ESRRG: variants seen among roughly 807,000 people sequenced by gnomAD.
ESRRG encodes estrogen-related receptor gamma.
ESRRG carries 13 observed loss-of-function variants against 44.0 expected under a neutral mutation model. That is an observed-to-expected ratio of 0.30 (90% CI 0.19 to 0.47). ESRRG has a LOEUF of 0.47. Among genes scored for constraint, ESRRG ranks in the 20% least tolerant of loss-of-function variants. The probability of loss-of-function intolerance (pLI) is 1.00; values close to 1 mark genes in which losing one functional copy is unlikely to be tolerated. For missense variants in ESRRG, 395 were observed against 580.6 expected (o/e 0.68, Z 3.29); for synonymous variants, 215 against 214.6 (o/e 1.00, Z -0.02).
chr1:217,025,907 A>G (rs1044806739), intron 1 of ESRRG, among the ~76,000 whole-genome samples: 2 of 152,094 alleles, frequency 1.3e-5, no homozygotes, highest in African/African-American at 4.8e-5. Flanking sequence ...TGGTTTTTCT[A>G]TTGTCTCTTT....
chr1:217,136,683 C>G (rs555770139), intron 1 of ESRRG, among the ~76,000 whole-genome samples: 2 of 152,292 alleles, frequency 1.3e-5, no homozygotes, highest in African/African-American at 4.8e-5. Context: ...CCGCCCTTCC[C>G]CTTTCCTTTT....
At chr1:216,960,444 C>T (rs544275287) in intron 1 of ESRRG, among the ~76,000 whole-genome samples, 24 of 152,256 alleles carry the variant, frequency 1.6e-4, no homozygotes, top group African/African-American at 5.8e-4. Flanking sequence ...AATTTGATTA[C>T]ATGAATGTGT....
Position 216,866,545 on chromosome 1 carries a change from CTTTCTTTG to C in ESRRG, c.-14+73029_-14+73036del, listed in dbSNP as rs529370916. 2.5e-3 allele frequency among the ~76,000 whole-genome samples: 368 copies of C among 149,800 alleles called. 5 individuals carry two copies. The highest frequency in any genetic ancestry group is 0.022 in the Admixed American group (323 of 14,972). On this transcript the variant is annotated intron_variant, in intron 2 of 7. Transcript: ENST00000359162. ...TATCTATATCTCATGATATCTTTAT[CTTTCTTTG>C]TTTCTTTCTTTCTTTTTTTTTTTAT...
intron 2 of ESRRG, among the ~76,000 whole-genome samples, chr1:216,818,026 T>C (rs557505096): frequency 1.3e-5 from 2 of 152,302 alleles, no homozygotes; most frequent in South Asian, 2.1e-4. Context: ...GAAAAAACTA[T>C]ATACAGTTAT....
intron 2 of ESRRG, among the ~76,000 whole-genome samples, chr1:216,757,048 T>C (rs2092487229): frequency 6.6e-6 from 1 of 151,976 alleles, no homozygotes; most frequent in African/African-American, 2.4e-5. Context: ...TTTCCACAGC[T>C]CCCAGAACTC....
chr1:216,969,578 C>T (rs1040212487), intron 1 of ESRRG, among the ~76,000 whole-genome samples: 5 of 152,054 alleles, frequency 3.3e-5, no homozygotes, highest in African/African-American at 1.2e-4. Context: ...ATTGGCCCTT[C>T]TATAGAAATT....
upstream of ESRRG, among the ~76,000 whole-genome samples, chr1:216,725,161 C>A (rs931461904): frequency 6.6e-6 from 1 of 152,108 alleles, no homozygotes; most frequent in Non-Finnish European, 1.5e-5. Flanking sequence ...AAAGCAATTT[C>A]ACTGCCTTGT....
chr1:216,690,795 G>T (rs1235978591), intron 1 of ESRRG, among the ~76,000 whole-genome samples: 2 of 152,024 alleles, frequency 1.3e-5, no homozygotes, highest in African/African-American at 4.8e-5. Flanking sequence ...AACTTTAAAG[G>T]ACTCCCAGAA....
chr1:216,920,033 G>A (rs930133369), intron 2 of ESRRG, among the ~76,000 whole-genome samples: 12 of 152,156 alleles, frequency 7.9e-5, no homozygotes, highest in Non-Finnish European at 1.8e-4. Context: ...AAATGCACTG[G>A]GGAAGAACTT....
At chr1:216,838,510 AT>A (rs557282371) in intron 2 of ESRRG, among the ~76,000 whole-genome samples, 2 of 151,766 alleles carry the variant, frequency 1.3e-5, no homozygotes, top group East Asian at 1.9e-4. Context: ...GAATACAGTG[AT>A]TTTTTTTTGA....
chr1:216,934,611 C>T (rs1249387307), intron 2 of ESRRG, among the ~76,000 whole-genome samples: 1 of 152,044 alleles, frequency 6.6e-6, no homozygotes, highest in Non-Finnish European at 1.5e-5. Context: ...TCTTGTGAGA[C>T]TTACAAAGCC....
intron 2 of ESRRG, among the ~76,000 whole-genome samples, chr1:216,760,689 G>C (rs2092720587): frequency 6.6e-6 from 1 of 152,072 alleles, no homozygotes; most frequent in Non-Finnish European, 1.5e-5. Flanking sequence ...GAAAGGATAA[G>C]GGGAGGCTTA....
intron 1 of ESRRG, among the ~76,000 whole-genome samples, chr1:216,980,101 G>T (rs974655412): frequency 1.3e-5 from 2 of 152,034 alleles, no homozygotes; most frequent in Non-Finnish European, 2.9e-5. Context: ...TTTATTTCAT[G>T]ATGTCCATTT....
At chr1:216,867,025 A>G (rs11572551) in intron 2 of ESRRG, among the ~76,000 whole-genome samples, 3,698 of 152,350 alleles carry the variant, frequency 0.024, 67 homozygotes, top group Middle Eastern at 0.058. Context: ...GGTTTTAAAA[A>G]ATAAAATGAT....
chr1:216,643,009 C>T (rs946003290), intron 3 of ESRRG, among the ~76,000 whole-genome samples: 2 of 152,138 alleles, frequency 1.3e-5, no homozygotes, highest in Non-Finnish European at 2.9e-5. Flanking sequence ...AAATATGAAA[C>T]AGAAGGGTAA....
intron 3 of ESRRG, among the ~76,000 whole-genome samples, chr1:216,649,175 C>A (rs2068339243): frequency 6.6e-6 from 1 of 152,070 alleles, no homozygotes; most frequent in Admixed American, 6.6e-5. Flanking sequence ...CATAAGTTTT[C>A]TTTAGCAAGA....
At chr1:216,909,940 A>G (rs1201188341) in intron 2 of ESRRG, among the ~76,000 whole-genome samples, 2 of 152,186 alleles carry the variant, frequency 1.3e-5, no homozygotes, top group African/African-American at 4.8e-5. Flanking sequence ...AATGTGATTC[A>G]GAACAAAGAA....
At chr1:216,888,428 G>A (rs1249604104) in intron 2 of ESRRG, among the ~76,000 whole-genome samples, 1 of 152,064 alleles carries the variant, frequency 6.6e-6, no homozygotes, top group Non-Finnish European at 1.5e-5. Context: ...CTATTTGCTT[G>A]TTTGTCTTAT....
At chr1:216,796,178 G>A (rs1477071793) in intron 2 of ESRRG, among the ~76,000 whole-genome samples, 1 of 152,182 alleles carries the variant, frequency 6.6e-6, no homozygotes, top group Non-Finnish European at 1.5e-5. Context: ...AATAGAAGGA[G>A]CAGTGGGGTG....
Sources: gnomAD v4.1 joint callset for allele counts (sites outside exome capture counted in the v4.1 genomes callset) on GRCh38, gnomAD v4.1.1 for gene constraint, MANE v1.5 for transcripts, NCBI Gene and HGNC (gene_info 2026-07-23, HGNC 2026-07-21) for gene names.